CIZ1: variants seen among roughly 807,000 people sequenced by gnomAD.
CIZ1 encodes CDKN1A interacting zinc finger protein 1, also known as cip1-interacting zinc finger protein.
A neutral mutation model predicts 118.6 loss-of-function variants in CIZ1; 58 were observed. The observed-to-expected ratio is 0.49, with a 90% CI of 0.40 to 0.61. The LOEUF (loss-of-function observed/expected upper bound fraction) is 0.61, where lower values mean the gene tolerates loss of function less well. Among genes scored for constraint, CIZ1 ranks in the 20% least tolerant of loss-of-function variants. The pLI is 0.00. For synonymous variants in CIZ1, 448 were observed against 443.4 expected (o/e 1.01, Z -0.13); for missense variants, 921 against 1,115.9 (o/e 0.83, Z 2.49).
chr9:128,191,974 C>G, upstream of CIZ1: 1 of 1,344,012 alleles, frequency 7.4e-7, no homozygotes, highest in African/African-American at 1.5e-5. The surrounding 1 kb of genome is among the most constrained non-coding windows in gnomAD (Gnocchi z 5.5). Context: ...GAGAGGGCGG[C>G]CAAGGTCTTA....
intron 10 of CIZ1, 70 bp from the exon 11 acceptor site, chr9:128,176,545 G>C (rs1298568346): frequency 8.6e-6 from 13 of 1,509,452 alleles, no homozygotes; most frequent in Non-Finnish European, 1.1e-5. Flanking sequence ...CTGGGGCCTG[G>C]GGAGGCAGAC....
At chr9:128,190,658 G>A (rs758806906) in intron 2 of CIZ1, 30 bp downstream of exon 2, 2 of 1,544,670 alleles carry the variant, frequency 1.3e-6, no homozygotes, top group South Asian at 2.4e-5. Flanking sequence ...TAGCAAGGCT[G>A]AAGCCATCGC....
rs374538783 is a variant in CIZ1, at chr9:128,185,595, G to C, written c.540C>G (p.Asn180Lys). 20 of 1,534,000 alleles carry C rather than the reference G, an allele frequency of 1.3e-5. No individual in the cohort carries two copies. The African/African-American group carries it at 2.1e-4, about 16-fold the overall frequency. The change falls in exon 5 of 17, where the codon AAC (asparagine) becomes AAG (lysine). Residue 180 changes from asparagine to lysine, a missense_variant. Transcript: ENST00000372938. ...AGGAGGTCCGGGCCTGTTTCTGGGG[G>C]TTCCGTCCTGAAAGGTTGAACTGGG... is the stretch of plus-strand genomic sequence containing the variant. The part of the protein sequence containing the change: ...NPSQFNLSGR[N>K]PQKQARTSSS...
intron 5 of CIZ1, 116 bp from the exon 6 acceptor site, chr9:128,180,930 G>A (rs536892176): frequency 8.0e-6 from 6 of 746,936 alleles, no homozygotes; most frequent in African/African-American, 3.6e-5. Flanking sequence ...AGGACCTCTG[G>A]TGGGCCTGGC....
At chr9:128,189,579 G>A in intron 3 of CIZ1, among the ~76,000 whole-genome samples, 1 of 152,074 alleles carries the variant, frequency 6.6e-6, no homozygotes, top group East Asian at 1.9e-4. Context: ...CAGCAATTTG[G>A]GAGGCCAAGG....
chr9:128,191,723 G>T, upstream of CIZ1: 1 of 1,336,770 alleles, frequency 7.5e-7, no homozygotes, highest in South Asian at 1.8e-5. The surrounding 1 kb of genome is among the most constrained non-coding windows in gnomAD (Gnocchi z 5.5). Context: ...GGTCCTGGGC[G>T]GCTCATACCC....
Position 128,191,371 on chromosome 9 carries a change from T to A in CIZ1, c.-6+61A>T. The A allele has an allele frequency of 1.7e-6, 1 of 587,688 alleles. No individual in the cohort carries two copies. The highest frequency in any genetic ancestry group is 2.2e-6 in the Non-Finnish European group (1 of 464,706). The allele number at this position is 587,688 out of a possible 1,614,324, so 36.4% of individuals were successfully genotyped here. On this transcript the variant is annotated intron_variant, in intron 1 of 16. Transcript: ENST00000372938. This position sits in a 1 kb window ranked among gnomAD's most constrained non-coding sequence, Gnocchi z 5.5. Reference sequence around the variant, plus strand: ...CGCTCCCACCCCGCCAGCCGCCTCCTCCGCAGACACAGCCAGCTCGCAGGC... The same window carrying A: ...CGCTCCCACCCCGCCAGCCGCCTCCACCGCAGACACAGCCAGCTCGCAGGC...
chr9:128,190,821 G>C lies in CIZ1; in HGVS notation c.37C>G (p.Gln13Glu). 1 of 1,539,346 alleles carries C rather than the reference G, an allele frequency of 6.5e-7. No homozygotes were observed. The highest frequency in any genetic ancestry group is 8.7e-7 in the Non-Finnish European group (1 of 1,143,192). ...TGTAACTGCTGGAGCTGCTGCTGCT[G>C]TTGCTGGAGCTGCTGCTGCTGCTGC... Reference protein sequence around the residue: ...SQQQQQQLQQQQQQLQQLQQQ... With the variant: ...SQQQQQQLQQEQQQLQQLQQQ... Residue 13 changes from glutamine (Q) to glutamate (E), a missense_variant, in exon 2 of 17, where the codon CAG (glutamine) becomes GAG (glutamate). Gln to Glu is a conservative substitution (Grantham distance 29, BLOSUM62 2). Coordinates refer to ENST00000372938, the MANE Select transcript of CIZ1 (RefSeq NM_001131016.2).
At chr9:128,169,279 C>T (rs1214148890) in intron 13 of CIZ1, 78 bp from the exon 14 acceptor site, 3 of 1,414,216 alleles carry the variant, frequency 2.1e-6, no homozygotes, top group Non-Finnish European at 3.0e-6. Context: ...CCACCCCTCC[C>T]CTGAGAGTCC....
intron 11 of CIZ1, among the ~76,000 whole-genome samples, chr9:128,172,335 T>C (rs1321512751): frequency 4.0e-5 from 6 of 151,842 alleles, no homozygotes; most frequent in East Asian, 1.9e-4. Context: ...CTACTAAAAA[T>C]ACAAAAAAAT....
At chr9:128,188,214 C>G (rs1180226278) in intron 3 of CIZ1, among the ~76,000 whole-genome samples, 2 of 150,572 alleles carry the variant, frequency 1.3e-5, no homozygotes, top group Non-Finnish European at 2.9e-5. Context: ...TAAAAATAAT[C>G]TTAACACAGA....
chr9:128,191,702 A>C, upstream of CIZ1: 1 of 1,296,846 alleles, frequency 7.7e-7, no homozygotes, highest in Non-Finnish European at 9.8e-7. This position sits in a 1 kb window ranked among gnomAD's most constrained non-coding sequence, Gnocchi z 5.5. Context: ...GGGCGCTAGC[A>C]GGTGCGAGGG....
At chr9:128,177,528 G>GCCCCCCCCCCCCCCCCCCCTATAA in intron 10 of CIZ1, 38 bp downstream of exon 10, 1 of 1,164,644 alleles carries the variant, frequency 8.6e-7, no homozygotes, top group East Asian at 2.9e-5. Flanking sequence ...TTCCACGCAG[G>GCCCCCCCCCCCCCCCCCCCTATAA]CCCCACCCCT....
Position 128,185,565 on chromosome 9 carries a change from A to G in CIZ1, c.570T>C (p.Ser190=). ...NPQKQARTSS[S]TTPNRKDSSS... ...CACTCACCTTTCGATTGGGGGTGGT[A>G]GAGGAGGAGGTCCGGGCCTGTTTCT... Residue 190 remains serine (S), a synonymous_variant, in exon 5 of 17, where the codon TCT becomes TCC. Coordinates refer to ENST00000372938, the MANE Select transcript of CIZ1 (RefSeq NM_001131016.2). 2 of 1,490,498 alleles carry G rather than the reference A, an allele frequency of 1.3e-6. No homozygotes were observed. Among genetic ancestry groups the G allele is most frequent in the South Asian group, 1.3e-5 (1 of 75,382 alleles). The allele number at this position is 1,490,498 out of a possible 1,614,324, so 92.3% of individuals were successfully genotyped here.
At chr9:128,191,985 C>G, upstream of CIZ1, 1 of 1,279,982 alleles carries the variant, frequency 7.8e-7, no homozygotes, top group Non-Finnish European at 1.0e-6. This position sits in a 1 kb window ranked among gnomAD's most constrained non-coding sequence, Gnocchi z 5.5. Flanking sequence ...CAAGGTCTTA[C>G]AGTCCGTCAG....
intron 13 of CIZ1, 66 bp from the exon 14 acceptor site, chr9:128,169,267 C>G: frequency 3.2e-5 from 46 of 1,433,362 alleles, no homozygotes; most frequent in Non-Finnish European, 4.4e-5. Context: ...GCCCTACCCA[C>G]CCCACCCCTC....
rs45459993 is a variant in CIZ1, at chr9:128,169,946, T to C, written c.2031+74A>G. On this transcript the variant is annotated intron_variant, in intron 12 of 16. Coordinates refer to ENST00000372938, the MANE Select transcript of CIZ1 (RefSeq NM_001131016.2). Reference sequence around the variant, plus strand: ...CAAAGAGGAACGTTTACTTTCCAACTGGGGCTCTGTGTTGTCTGGACTCCA... The same window carrying C: ...CAAAGAGGAACGTTTACTTTCCAACCGGGGCTCTGTGTTGTCTGGACTCCA... The C allele has an allele frequency of 1.7e-3, 2,286 of 1,377,214 alleles. 44 individuals carry two copies. In the African/African-American group the frequency reaches 0.03, roughly 18 times the overall value. 85.3% of individuals were successfully genotyped at this position (1,377,214 alleles called of 1,614,324 possible).
chr9:128,190,517 C>T, intron 2 of CIZ1, 73 bp from the exon 3 acceptor site: 2 of 1,377,130 alleles, frequency 1.5e-6, no homozygotes, highest in Non-Finnish European at 1.0e-6. Flanking sequence ...GGCTTCTCAC[C>T]TCCATTCTCT....
intron 10 of CIZ1, 36 bp from the exon 11 acceptor site, chr9:128,176,511 G>T: frequency 6.2e-7 from 1 of 1,603,634 alleles, no homozygotes. Flanking sequence ...GGCCTGGGGC[G>T]TGAGCCCAGA....
Sources: allele counts gnomAD v4.1 joint callset (sites outside exome capture counted in the v4.1 genomes callset), GRCh38; gene constraint gnomAD v4.1.1; non-coding constraint Gnocchi (gnomAD v3.1); transcripts MANE v1.5; gene names NCBI Gene and HGNC (gene_info 2026-07-23, HGNC 2026-07-21).